The following C14orf180 variants were observed in gnomAD, a reference collection of about 807,000 sequenced individuals.
C14orf180 encodes the protein nutritionally-regulated adipose and cardiac enriched protein homolog.
C14orf180 carries 13 observed loss-of-function variants against 13.9 expected under a neutral mutation model. The observed-to-expected ratio is 0.94, with a 90% CI of 0.61 to 1.49. C14orf180 has a LOEUF of 1.49. Among genes scored for constraint, C14orf180 ranks in the 40% most tolerant of loss-of-function variants. The probability of loss-of-function intolerance (pLI) is 0.00; values close to 1 mark genes in which losing one functional copy is unlikely to be tolerated. For missense variants in C14orf180, 238 were observed against 232.0 expected (o/e 1.03, Z -0.17); for synonymous variants, 113 against 106.3 (o/e 1.06, Z -0.39).
chr14:104,580,224 C>T (rs996551491), intron 1 of C14orf180, among the ~76,000 whole-genome samples: 2 of 152,128 alleles, frequency 1.3e-5, no homozygotes, highest in African/African-American at 4.8e-5. Flanking sequence ...GGGCAGAGCA[C>T]ACACTGATGA....
intron 2 of C14orf180, among the ~76,000 whole-genome samples, chr14:104,587,311 G>C (rs956135561): frequency 3.9e-5 from 6 of 152,022 alleles, no homozygotes; most frequent in African/African-American, 1.4e-4. Flanking sequence ...AAAGGAGGCC[G>C]AGGCCACCAA....
intron 1 of C14orf180, among the ~76,000 whole-genome samples, chr14:104,586,055 A>G (rs994584748): frequency 6.6e-6 from 1 of 152,254 alleles, no homozygotes; most frequent in African/African-American, 2.4e-5. Context: ...CATGACCTCC[A>G]AACATTGCAA....
At position 104,586,550 on chromosome 14, in the gene C14orf180, G is replaced by A. The variant is rs1415034193; in HGVS notation, c.111+9G>A. 11 of 1,499,430 alleles carry A rather than the reference G, an allele frequency of 7.3e-6. No individual in the cohort carries two copies. In the African/African-American group the frequency reaches 1.3e-4, roughly 17 times the overall value. 92.9% of individuals were successfully genotyped at this position (1,499,430 alleles called of 1,614,324 possible). Reference sequence around the variant, plus strand: ...TGTGCAGGGCAGAGAGGGTAAGGCGGGCCGCTGGGACACAGCTTCTGCAAG... The same window carrying A: ...TGTGCAGGGCAGAGAGGGTAAGGCGAGCCGCTGGGACACAGCTTCTGCAAG... On this transcript the variant is annotated intron_variant, in intron 2 of 4. Transcript: ENST00000557649.
chr14:104,588,496 C>T, intron 4 of C14orf180, 82 bp from the exon 5 acceptor site: 1 of 1,433,540 alleles, frequency 7.0e-7, no homozygotes, highest in East Asian at 2.5e-5. Context: ...GTGGAATCTC[C>T]CCATCCCTTC....
Position 104,588,261 on chromosome 14 carries a change from TTC to T in C14orf180, c.242-9_242-8del. The T allele has an allele frequency of 1.2e-6, 2 of 1,613,908 alleles. No homozygotes were observed. The highest frequency in any genetic ancestry group is 1.7e-6 in the Non-Finnish European group (2 of 1,179,986). On this transcript the variant is annotated splice_polypyrimidine_tract_variant and intron_variant, in intron 3 of 4. Transcript: ENST00000557649. The stretch of plus-strand genomic sequence containing the variant: ...GCAGGTGCCCCCAGCTGACTCTCCA[TTC>T]TCTTTCGCAGACATTGCTGACAAGA...
At position 104,588,958 on chromosome 14, in the gene C14orf180, G is replaced by A. The variant is rs549018174; in HGVS notation, c.*175G>A. The A allele has an allele frequency of 3.7e-6, 5 of 1,357,870 alleles. No individual in the cohort carries two copies. The highest frequency in any genetic ancestry group is 3.1e-5 in the South Asian group (2 of 65,114). 84.1% of individuals were successfully genotyped at this position (1,357,870 alleles called of 1,614,324 possible). A position where few individuals can be genotyped will look rare whatever the true frequency, so the allele number is the denominator to read the frequency against. On this transcript the variant is annotated 3_prime_UTR_variant, in exon 5 of 5. Transcript: ENST00000557649. ...CCCGTGGCGTGAGATCGGACATGGGGGGCACAGCAGGCGGCCCCGCCACAC... is the reference window on the plus strand; with the variant it reads ...CCCGTGGCGTGAGATCGGACATGGGAGGCACAGCAGGCGGCCCCGCCACAC...
At position 104,588,328 on chromosome 14, in the gene C14orf180, T is replaced by A; in HGVS notation, c.277+19T>A. On this transcript the variant is annotated intron_variant, in intron 4 of 4. Coordinates refer to ENST00000557649, the MANE Select transcript of C14orf180 (RefSeq NM_001008404.3). ...GTCAGGGGTGAGTTCTGAGCCCACATCCCTGTGCCCCACTGCCCCCTCCGT... is the reference window on the plus strand; with the variant it reads ...GTCAGGGGTGAGTTCTGAGCCCACAACCCTGTGCCCCACTGCCCCCTCCGT... The A allele has an allele frequency of 6.2e-7, 1 of 1,611,548 alleles. No homozygotes were observed. The highest frequency in any genetic ancestry group is 8.5e-7 in the Non-Finnish European group (1 of 1,179,954).
chr14:104,588,706 C>G lies in C14orf180; in HGVS notation c.406C>G (p.Arg136Gly), dbSNP rs181202218. The G allele has an allele frequency of 1.3e-6, 2 of 1,535,526 alleles. No individual in the cohort carries two copies. The highest frequency in any genetic ancestry group is 1.7e-6 in the Non-Finnish European group (2 of 1,146,310). The stretch of plus-strand genomic sequence containing the variant: ...CGTGGCAACGGCACTGGAGGACCTG[C>G]GGGCCCGGCTCCTCGGCCTTGTCCT... ...KPVATALEDLRARLLGLVLHL... is the reference protein window; with the variant it reads ...KPVATALEDLGARLLGLVLHL... Residue 136 changes from arginine (R) to glycine (G), a missense_variant, in exon 5 of 5, where the codon CGG becomes GGG. Transcript: ENST00000557649.
In C14orf180 at chr14:104,586,514, G is replaced by A; in HGVS notation, c.84G>A (p.Trp28Ter). The A allele has an allele frequency of 6.5e-7, 1 of 1,545,928 alleles. No homozygotes were observed. The highest frequency in any genetic ancestry group is 2.5e-5 in the East Asian group (1 of 40,758). ...RQTRKNEEAA[W>*]GPRVCRAERE... Reference sequence around the variant, plus strand: ...CCAGAAAGAATGAGGAGGCCGCGTGGGGCCCGCGGGTGTGCAGGGCAGAGA... The same window carrying A: ...CCAGAAAGAATGAGGAGGCCGCGTGAGGCCCGCGGGTGTGCAGGGCAGAGA... Residue 28 changes from tryptophan to a stop codon, truncating the protein, a stop_gained, in exon 2 of 5, where the codon TGG becomes TGA. Transcript: ENST00000557649. LOFTEE classifies it high-confidence loss of function.
rs746086602 is a variant in C14orf180 at position 104,584,775 on chromosome 14, G to A, written c.-16-1640G>A. On this transcript the variant is annotated intron_variant, in intron 1 of 4. Transcript: ENST00000557649. The stretch of plus-strand genomic sequence containing the variant: ...ATTTGCAATAAAAACCTGATCCGGC[G>A]ATAGCAGAAAATTGCTCTCTTTTGA... Among the ~76,000 whole-genome samples, 129 of 152,230 alleles carry A rather than the reference G, an allele frequency of 8.5e-4. 1 individual carries two copies. The highest frequency in any genetic ancestry group is 2.1e-4 in the South Asian group (1 of 4,830).
chr14:104,588,781 TGACGGGCAGGACGGGCAG>T lies in C14orf180; in HGVS notation c.*9_*26del, dbSNP rs11278058. On this transcript the variant is annotated stop_retained_variant and 3_prime_UTR_variant, in exon 5 of 5. Transcript: ENST00000557649. ...CTGCTGGCGCGGCCTCCTGCGGCTC[TGACGGGCAGGACGGGCAG>T]GACGGGCAGGGCTTCCAGGAGAGCT... is the stretch of plus-strand genomic sequence containing the variant. The T allele has an allele frequency of 2.4e-4, 363 of 1,532,986 alleles. 2 individuals carry two copies. Among genetic ancestry groups the T allele is most frequent in the Middle Eastern group, 1.4e-3 (8 of 5,772 alleles). 95.0% of individuals were successfully genotyped at this position (1,532,986 alleles called of 1,614,324 possible). A position where few individuals can be genotyped will look rare whatever the true frequency, so the allele number is the denominator to read the frequency against.
At position 104,589,316 on chromosome 14, in the gene C14orf180, T is replaced by G; in HGVS notation, c.*533T>G. On this transcript the variant is annotated 3_prime_UTR_variant, in exon 5 of 5. Coordinates refer to ENST00000557649, the MANE Select transcript of C14orf180 (RefSeq NM_001008404.3). The surrounding 1 kb of genome is among the most constrained non-coding windows in gnomAD (Gnocchi z 4.9). The stretch of plus-strand genomic sequence containing the variant: ...TGGGTCCCTTTGATGTGAGGTGCCA[T>G]CCTCTGAGCCCAGGTCTGACCCCCC... The G allele has an allele frequency of 6.3e-6, 1 of 159,558 alleles. No individual in the cohort carries two copies. The allele number at this position is 159,558 out of a possible 1,614,324, so 9.9% of individuals were successfully genotyped here.
At chr14:104,583,439 C>T (rs1886506093) in intron 1 of C14orf180, among the ~76,000 whole-genome samples, 2 of 152,182 alleles carry the variant, frequency 1.3e-5, no homozygotes, top group African/African-American at 4.8e-5. Context: ...GGTGCGGACT[C>T]GGGTCTGTGC....
intron 1 of C14orf180, among the ~76,000 whole-genome samples, chr14:104,583,808 G>A (rs564927341): frequency 7.2e-5 from 11 of 151,820 alleles, no homozygotes; most frequent in Admixed American, 6.6e-4. Flanking sequence ...CCACACATAC[G>A]CAGATACACT....
chr14:104,588,689 C>T lies in C14orf180; in HGVS notation c.389C>T (p.Thr130Met), dbSNP rs570142871. 1.5e-4 allele frequency: 237 copies of T among 1,535,352 alleles called. No individual in the cohort carries two copies. The highest frequency in any genetic ancestry group is 2.0e-4 in the Non-Finnish European group (224 of 1,146,072). Residue 130 changes from threonine to methionine, a missense_variant, in exon 5 of 5, where the codon ACG becomes ATG. Thr to Met is a moderately conservative substitution (Grantham distance 81). Coordinates refer to ENST00000557649, the MANE Select transcript of C14orf180 (RefSeq NM_001008404.3). Reference sequence around the variant, plus strand: ...TGCGGCCGGGCCAAGCCCGTGGCAACGGCACTGGAGGACCTGCGGGCCCGG... The same window carrying T: ...TGCGGCCGGGCCAAGCCCGTGGCAATGGCACTGGAGGACCTGCGGGCCCGG... ...LYCGRAKPVA[T>M]ALEDLRARLL...
chr14:104,586,896 T>C (rs993669730), intron 2 of C14orf180, among the ~76,000 whole-genome samples: 10 of 152,108 alleles, frequency 6.6e-5, no homozygotes, highest in Non-Finnish European at 5.9e-5. Flanking sequence ...GTGTTAGGGT[T>C]AGGGGCCCAG....
At chr14:104,586,572 C>CAAGCTG (rs1322259728) in intron 2 of C14orf180, 31 bp downstream of exon 2, 34 of 1,406,640 alleles carry the variant, frequency 2.4e-5, no homozygotes, top group Non-Finnish European at 3.0e-5. Flanking sequence ...ACAGCTTCTG[C>CAAGCTG]AAGCTGGCCT....
intron 3 of C14orf180, among the ~76,000 whole-genome samples, 185 bp downstream of exon 3, chr14:104,588,063 G>A (rs149488814): frequency 9.8e-5 from 15 of 152,292 alleles, no homozygotes; most frequent in East Asian, 3.9e-4. Flanking sequence ...ACACAGTCCC[G>A]GTCCATGAAA....
intron 2 of C14orf180, among the ~76,000 whole-genome samples, chr14:104,587,282 G>A (rs2140465191): frequency 6.6e-6 from 1 of 152,100 alleles, no homozygotes; most frequent in African/African-American, 2.4e-5. Context: ...CTGCAGCCTG[G>A]GAGGCTCGGC....
Sources: gnomAD v4.1 joint callset for allele counts (sites outside exome capture counted in the v4.1 genomes callset) on GRCh38, gnomAD v4.1.1 for gene constraint, Gnocchi (gnomAD v3.1) non-coding constraint, MANE v1.5 for transcripts, NCBI Gene and HGNC (gene_info 2026-07-23, HGNC 2026-07-21) for gene names.